Variants in ZNF81 observed in about 807,000 individuals in gnomAD.
The protein encoded by ZNF81 is zinc finger protein 81.
A neutral mutation model predicts 32.3 loss-of-function variants in ZNF81; 5 were observed. That is an observed-to-expected ratio of 0.15 (90% CI 0.08 to 0.33). ZNF81 has a LOEUF of 0.33. Among genes scored for constraint, ZNF81 ranks in the 10% least tolerant of loss-of-function variants. The pLI is 1.00. For missense variants in ZNF81, 379 were observed against 479.8 expected, an observed-to-expected ratio of 0.79 and a Z score of 1.96; for synonymous variants, 163 against 166.8, an observed-to-expected ratio of 0.98 and a Z score of 0.17.
Position 47,922,745 on chromosome X carries a change from C to T in ZNF81, c.*6113C>T, listed in dbSNP as rs2058781044. 9.0e-6 allele frequency among the ~76,000 whole-genome samples: 1 copy of T among 111,710 alleles called. No individual in the cohort carries two copies. Among genetic ancestry groups the T allele is most frequent in the African/African-American group, 3.3e-5 (1 of 30,678 alleles). ...AACAAAGTACCACAAATTGGGCAGC[C>T]TAAAACAGCAGAAATTGTCTCATTG... On this transcript the variant is annotated 3_prime_UTR_variant, in exon 5 of 5. Transcript: ENST00000338637.
Position 47,918,987 on chromosome X carries a change from T to A in ZNF81, c.*2355T>A, listed in dbSNP as rs1240291741. ...TGTTGGGGGGCATGTAACTTGTCAT[T>A]TAGCTCACAGGTATCTGGATCAAGA... On this transcript the variant is annotated 3_prime_UTR_variant, in exon 5 of 5. Transcript: ENST00000338637. 3.9e-6 allele frequency: 1 copy of A among 258,999 alleles called. No individual in the cohort carries two copies. The highest frequency in any genetic ancestry group is 7.3e-6 in the Non-Finnish European group (1 of 137,751). The allele number at this position is 258,999 out of a possible 1,213,427, so 21.3% of individuals were successfully genotyped here.
At chrX:47,859,742 C>G (rs1388325061) in intron 2 of ZNF81, among the ~76,000 whole-genome samples, 3 of 111,745 alleles carry the variant, frequency 2.7e-5, no homozygotes, top group Middle Eastern at 4.6e-3. Context: ...GACTTTATTA[C>G]TCATGGCAGT....
intron 2 of ZNF81, among the ~76,000 whole-genome samples, chrX:47,863,569 A>G (rs782061307): frequency 8.9e-6 from 1 of 112,196 alleles, no homozygotes; most frequent in Middle Eastern, 4.2e-3. Flanking sequence ...TCTGGCCAGG[A>G]GAACTTGCCC....
intron 2 of ZNF81, among the ~76,000 whole-genome samples, chrX:47,850,347 TAAAA>T (rs146962959): frequency 9.0e-4 from 75 of 83,080 alleles, no homozygotes; most frequent in Middle Eastern, 5.6e-3. Context: ...ACCCATCTCT[TAAAA>T]AAAAAAAAAA....
In ZNF81 at chrX:47,922,529, G is replaced by A. The variant is rs111871087; in HGVS notation, c.*5897G>A. ...AAAATATTAAAAGATAGTTTGCATA[G>A]TGGTTAGGTAGATAGGCTCAGGAAC... is the stretch of plus-strand genomic sequence containing the variant. On this transcript the variant is annotated 3_prime_UTR_variant, in exon 5 of 5. Transcript: ENST00000338637. 0.011 allele frequency among the ~76,000 whole-genome samples: 1,223 copies of A among 111,708 alleles called. 19 individuals carry two copies. Among genetic ancestry groups the A allele is most frequent in the African/African-American group, 0.039 (1,186 of 30,736 alleles).
chrX:47,877,502 T>A (rs1309862034), intron 2 of ZNF81, among the ~76,000 whole-genome samples: 1 of 111,820 alleles, frequency 8.9e-6, no homozygotes, highest in Non-Finnish European at 1.9e-5. Flanking sequence ...CAGCAGCTGC[T>A]CAGGACTCGA....
intron 4 of ZNF81, among the ~76,000 whole-genome samples, chrX:47,898,509 A>G (rs1556887512): frequency 1.8e-5 from 2 of 112,090 alleles, no homozygotes; most frequent in African/African-American, 6.5e-5. Flanking sequence ...ATCAGGGAGT[A>G]TAAGTCCTTC....
At chrX:47,862,250 G>A (rs1286101686) in intron 2 of ZNF81, among the ~76,000 whole-genome samples, 1 of 110,983 alleles carries the variant, frequency 9.0e-6, no homozygotes, top group East Asian at 2.8e-4. Context: ...AATCTCGGCC[G>A]GGTGCGGTGG....
intron 2 of ZNF81, among the ~76,000 whole-genome samples, chrX:47,858,119 G>A (rs2058524495): frequency 8.9e-6 from 1 of 111,768 alleles, no homozygotes; most frequent in East Asian, 2.8e-4. Flanking sequence ...ATATCATCAA[G>A]CAGAATCCAT....
chrX:47,863,426 G>A (rs1391096123), intron 2 of ZNF81, among the ~76,000 whole-genome samples: 2 of 111,911 alleles, frequency 1.8e-5, no homozygotes, highest in East Asian at 2.8e-4. Flanking sequence ...ATCATTTGTC[G>A]AGACTGGCTG....
At chrX:47,872,566 T>TA (rs1395487183) in intron 2 of ZNF81, among the ~76,000 whole-genome samples, 1 of 111,775 alleles carries the variant, frequency 8.9e-6, no homozygotes, top group African/African-American at 3.3e-5. Context: ...AGAACACAGA[T>TA]AAACTACACA....
chrX:47,894,867 C>T (rs1485290822), intron 3 of ZNF81, among the ~76,000 whole-genome samples: 1 of 111,763 alleles, frequency 8.9e-6, no homozygotes, highest in Admixed American at 9.5e-5. Context: ...AAGCAGATAA[C>T]TTGTGGTCTG....
Position 47,916,136 on chromosome X carries a change from C to G in ZNF81, c.1490C>G (p.Pro497Arg). Reference sequence around the variant, plus strand: ...AAGAGAATTCATACAGGAGAGAAACCCTATATATGCACTGAATGTGGGAAG... The same window carrying G: ...AAGAGAATTCATACAGGAGAGAAACGCTATATATGCACTGAATGTGGGAAG... ...MHKRIHTGEK[P>R]YICTECGKAF... The change falls in exon 5 of 5, where the codon CCC becomes CGC. Residue 497 changes from proline (P) to arginine (R), a missense_variant. Transcript: ENST00000338637. 10 of 1,211,101 alleles carry G rather than the reference C, an allele frequency of 8.3e-6. No individual in the cohort carries two copies. The highest frequency in any genetic ancestry group is 1.1e-5 in the Non-Finnish European group (10 of 895,333).
intron 2 of ZNF81, among the ~76,000 whole-genome samples, chrX:47,850,164 C>T (rs1391199016): frequency 9.0e-6 from 1 of 110,706 alleles, no homozygotes; most frequent in African/African-American, 3.3e-5. Context: ...TATAAATGCT[C>T]ACTGTAGCAT....
chrX:47,878,424 C>T (rs1245272148), intron 2 of ZNF81, among the ~76,000 whole-genome samples: 2 of 112,248 alleles, frequency 1.8e-5, no homozygotes, highest in Admixed American at 9.4e-5. Flanking sequence ...AGCAGCTGCT[C>T]AGGACTCAAC....
intron 1 of ZNF81, among the ~76,000 whole-genome samples, chrX:47,843,563 T>C (rs1284854108): frequency 4.5e-5 from 5 of 111,342 alleles, no homozygotes; most frequent in African/African-American, 1.6e-4. Flanking sequence ...CACTCTGTCA[T>C]CCAGGCTGGA....
At position 47,919,313 on chromosome X, in the gene ZNF81, A is replaced by G; in HGVS notation, c.*2681A>G. 1 of 282,651 alleles carries G rather than the reference A, an allele frequency of 3.5e-6. No individual in the cohort carries two copies. Among genetic ancestry groups the G allele is most frequent in the South Asian group, 3.5e-5 (1 of 28,748 alleles). The allele number at this position is 282,651 out of a possible 1,213,427, so 23.3% of individuals were successfully genotyped here. A position where few individuals can be genotyped will look rare whatever the true frequency, so the allele number is the denominator to read the frequency against. On this transcript the variant is annotated 3_prime_UTR_variant, in exon 5 of 5. Coordinates refer to ENST00000338637, the MANE Select transcript of ZNF81 (RefSeq NM_007137.5). ...TATTGATCTGTCTTCAAATTCACTG[A>G]TGTTTTTTCTCTCACCCTGGCTTTG...
chrX:47,856,005 C>G (rs868947240), intron 2 of ZNF81, among the ~76,000 whole-genome samples: 25 of 93,862 alleles, frequency 2.7e-4, no homozygotes, highest in African/African-American at 9.7e-4. Context: ...GCCGAGATCA[C>G]GCCACTGCAC....
intron 2 of ZNF81, among the ~76,000 whole-genome samples, chrX:47,853,378 C>T (rs184446353): frequency 1.3e-3 from 143 of 110,944 alleles, no homozygotes; most frequent in African/African-American, 4.6e-3. Context: ...GACAGGGTTT[C>T]ACCATGTTGG....
Sources: gnomAD v4.1 joint callset for allele counts (sites outside exome capture counted in the v4.1 genomes callset) on GRCh38, gnomAD v4.1.1 for gene constraint, MANE v1.5 for transcripts, NCBI Gene and HGNC (gene_info 2026-07-23, HGNC 2026-07-21) for gene names.